Variants in MACROD2 observed in about 807,000 individuals in gnomAD.
MACROD2 encodes ADP-ribose glycohydrolase MACROD2.
Under a neutral mutation model 70.4 loss-of-function variants are expected in MACROD2, and 36 were observed. The ratio of observed to expected loss-of-function variants is 0.51; its 90% CI spans 0.39 to 0.68. The LOEUF is 0.68. Among genes scored for constraint, MACROD2 ranks in the 30% least tolerant of loss-of-function variants. The probability of loss-of-function intolerance (pLI) is 0.00; values close to 1 mark genes in which losing one functional copy is unlikely to be tolerated. For synonymous variants in MACROD2, 172 were observed against 178.8 expected, an observed-to-expected ratio of 0.96 and a Z score of 0.30; for missense variants, 496 against 538.4, an observed-to-expected ratio of 0.92 and a Z score of 0.78.
chr20:15,899,237 T>C (rs1463200105), intron 10 of MACROD2, among the ~76,000 whole-genome samples: 4 of 152,110 alleles, frequency 2.6e-5, no homozygotes, highest in African/African-American at 4.8e-5. Context: ...TATATGTATA[T>C]GTGTGTATAT....
chr20:15,036,804 GA>G (rs2075316435), intron 5 of MACROD2, among the ~76,000 whole-genome samples: 1 of 151,812 alleles, frequency 6.6e-6, no homozygotes, highest in African/African-American at 2.4e-5. Context: ...TCATTAGCAC[GA>G]ACTGTACAAA....
intron 5 of MACROD2, among the ~76,000 whole-genome samples, chr20:14,832,491 C>T (rs111810655): frequency 6.6e-6 from 1 of 151,916 alleles, no homozygotes; most frequent in Non-Finnish European, 1.5e-5. Flanking sequence ...GATGCAACCC[C>T]CTCACTGCTG....
At chr20:15,194,239 C>A (rs1270303711) in intron 5 of MACROD2, among the ~76,000 whole-genome samples, 1 of 77,434 alleles carries the variant, frequency 1.3e-5, no homozygotes, top group Non-Finnish European at 2.2e-5. Context: ...GAGCGACACT[C>A]TGTCTCAAAA....
intron 3 of MACROD2, among the ~76,000 whole-genome samples, chr20:14,185,060 G>C (rs898092416): frequency 6.6e-6 from 1 of 151,966 alleles, no homozygotes; most frequent in African/African-American, 2.4e-5. Flanking sequence ...AGAACTGTAG[G>C]GTGCCTGAAA....
intron 4 of MACROD2, among the ~76,000 whole-genome samples, chr20:14,538,754 C>T (rs2085397565): frequency 2.0e-5 from 3 of 152,318 alleles, no homozygotes; most frequent in Admixed American, 1.3e-4. Context: ...ATGCTGCCTC[C>T]TCAGACAGGC....
intron 7 of MACROD2, among the ~76,000 whole-genome samples, chr20:15,444,625 C>T (rs1213147418): frequency 3.3e-5 from 5 of 152,000 alleles, no homozygotes; most frequent in Admixed American, 1.3e-4. Flanking sequence ...CAAAGAACAT[C>T]GTGGAAGGAG....
At chr20:14,291,051 C>T (rs928250959) in intron 3 of MACROD2, among the ~76,000 whole-genome samples, 2 of 152,130 alleles carry the variant, frequency 1.3e-5, no homozygotes, top group African/African-American at 4.8e-5. Context: ...TCTCTTAATT[C>T]TTAAGATTCT....
rs771324433 is a variant in MACROD2, at chr20:14,278,296, C to A, written c.271+192568C>A. ...ATACATACATGGGCATAGTCATGCA[C>A]GCACACACTGACAACACAGTCTTTG... On this transcript the variant is annotated intron_variant, in intron 3 of 17. Coordinates refer to ENST00000684519, the MANE Select transcript of MACROD2 (RefSeq NM_001351661.2). Among the ~76,000 whole-genome samples the A allele has an allele frequency of 3.3e-5, 5 of 152,154 alleles. No homozygotes were observed. In the East Asian group the frequency reaches 9.6e-4, roughly 29 times the overall value.
chr20:14,561,679 A>G (rs1979441335), intron 4 of MACROD2, among the ~76,000 whole-genome samples: 1 of 151,848 alleles, frequency 6.6e-6, no homozygotes, highest in African/African-American at 2.4e-5. Flanking sequence ...TATTGCATTC[A>G]TGAAGAAGAA....
At chr20:14,157,908 A>G (rs1361096829) in intron 3 of MACROD2, among the ~76,000 whole-genome samples, 3 of 152,212 alleles carry the variant, frequency 2.0e-5, no homozygotes, top group Non-Finnish European at 4.4e-5. Context: ...TGTCTTCAAC[A>G]TATGGATTTA....
intron 5 of MACROD2, among the ~76,000 whole-genome samples, chr20:14,768,647 C>A (rs533255924): frequency 6.6e-6 from 1 of 151,808 alleles, no homozygotes; most frequent in Non-Finnish European, 1.5e-5. Context: ...GATGGAGTCT[C>A]GCTCTGTTGC....
At position 15,181,776 on chromosome 20, in the gene MACROD2, T is replaced by A. The variant is rs1237979423; in HGVS notation, c.419-48164T>A. 3.3e-5 allele frequency among the ~76,000 whole-genome samples: 5 copies of A among 152,172 alleles called. No homozygotes were observed. In the South Asian group the frequency reaches 1.0e-3, roughly 32 times the overall value. ...TCCTGTTGCCTTATATTTTTACACA[T>A]CTCACCATGTCCATCCCTTGACTTT... is the stretch of plus-strand genomic sequence containing the variant. On this transcript the variant is annotated intron_variant, in intron 5 of 17. Coordinates refer to ENST00000684519, the MANE Select transcript of MACROD2 (RefSeq NM_001351661.2).
chr20:15,569,423 A>AT (rs1198033662), intron 8 of MACROD2, among the ~76,000 whole-genome samples: 2 of 152,112 alleles, frequency 1.3e-5, no homozygotes, highest in Non-Finnish European at 2.9e-5. Context: ...ATTCTTTAGC[A>AT]TTTTTTAAGA....
At chr20:14,334,371 A>T (rs1366929542) in intron 3 of MACROD2, among the ~76,000 whole-genome samples, 1 of 152,308 alleles carries the variant, frequency 6.6e-6, no homozygotes, top group East Asian at 1.9e-4. Flanking sequence ...CTTTGTTGGA[A>T]ATTTATTTGT....
intron 8 of MACROD2, among the ~76,000 whole-genome samples, chr20:15,853,729 C>A (rs1480400530): frequency 6.6e-6 from 1 of 152,134 alleles, no homozygotes; most frequent in African/African-American, 2.4e-5. Flanking sequence ...TCCTGAGCCT[C>A]CAGACAAGGG....
At chr20:14,391,227 G>A (rs2083522963) in intron 3 of MACROD2, among the ~76,000 whole-genome samples, 1 of 152,140 alleles carries the variant, frequency 6.6e-6, no homozygotes, top group African/African-American at 2.4e-5. Context: ...CAATCTAAAT[G>A]CCCATCAATG....
chr20:16,045,851 A>G (rs1161787221), intron 17 of MACROD2, among the ~76,000 whole-genome samples: 1 of 152,114 alleles, frequency 6.6e-6, no homozygotes, highest in Non-Finnish European at 1.5e-5. Context: ...GGAGCTAGTC[A>G]TGCTAAGCCT....
chr20:15,946,880 C>A (rs560455581), intron 12 of MACROD2, among the ~76,000 whole-genome samples: 2 of 152,054 alleles, frequency 1.3e-5, no homozygotes, highest in African/African-American at 2.4e-5. Flanking sequence ...AAGAGGAATG[C>A]GGCAGGAGAG....
chr20:14,073,638 T>A (rs1327916007), intron 2 of MACROD2, among the ~76,000 whole-genome samples: 1 of 152,186 alleles, frequency 6.6e-6, no homozygotes, highest in African/African-American at 2.4e-5. Flanking sequence ...AAGGTAGAGA[T>A]CACCGTGATA....
Sources: gnomAD v4.1 joint callset for allele counts (sites outside exome capture counted in the v4.1 genomes callset) on GRCh38, gnomAD v4.1.1 for gene constraint, MANE v1.5 for transcripts, NCBI Gene and HGNC (gene_info 2026-07-23, HGNC 2026-07-21) for gene names.